Variants in RLF observed in about 807,000 individuals in gnomAD.
RLF encodes the protein zinc finger protein Rlf.
Under a neutral mutation model 162.9 loss-of-function variants are expected in RLF, and 7 were observed. The ratio of observed to expected loss-of-function variants is 0.04; its 90% CI spans 0.02 to 0.08. RLF has a LOEUF of 0.08. Among genes scored for constraint, RLF ranks in the 10% least tolerant of loss-of-function variants. RLF has a pLI of 1.00. For missense variants in RLF, 1,664 were observed against 2,244.7 expected (o/e 0.74, Z 5.23); for synonymous variants, 782 against 791.5 (o/e 0.99, Z 0.20).
intron 5 of RLF, among the ~76,000 whole-genome samples, chr1:40,216,782 CGGTGTCT>C (rs1201243475): frequency 7.9e-5 from 12 of 152,000 alleles, no homozygotes; most frequent in African/African-American, 2.2e-4. Flanking sequence ...AGGCCAGGTA[CGGTGTCT>C]CACGCCTGTA....
intron 6 of RLF, among the ~76,000 whole-genome samples, chr1:40,224,623 C>CTTATTTTT (rs1643042753): frequency 3.0e-5 from 1 of 33,262 alleles, no homozygotes; most frequent in Non-Finnish European, 4.8e-5. Flanking sequence ...TTTTTGAAAG[C>CTTATTTTT]TTTTTTTTTT....
At position 40,235,918 on chromosome 1, in the gene RLF, T is replaced by A. The variant is rs199548624; in HGVS notation, c.1216T>A (p.Leu406Ile). ...KTIACLLPEDLEVRRACQLTE... is the reference protein window; with the variant it reads ...KTIACLLPEDIEVRRACQLTE... ...AATTGCCTGTCTTTTACCAGAAGAT[T>A]TAGAAGTTAGACGAGCCTGTCAGCT... Residue 406 changes from leucine to isoleucine, a missense_variant, in exon 8 of 8, where the codon TTA becomes ATA. Coordinates refer to ENST00000372771, the MANE Select transcript of RLF (RefSeq NM_012421.4). 5 of 1,614,128 alleles carry A rather than the reference T, an allele frequency of 3.1e-6. No individual in the cohort carries two copies. Among genetic ancestry groups the A allele is most frequent in the Non-Finnish European group, 4.2e-6 (5 of 1,180,018 alleles).
At chr1:40,235,055 ATTTTT>A (rs761816149) in intron 7 of RLF, among the ~76,000 whole-genome samples, 15 of 105,454 alleles carry the variant, frequency 1.4e-4, no homozygotes, top group African/African-American at 5.5e-4. Context: ...GATAGAGAGA[ATTTTT>A]TTTTTTTTTT....
chr1:40,206,311 GT>G (rs1642794731), intron 5 of RLF, among the ~76,000 whole-genome samples: 2 of 152,188 alleles, frequency 1.3e-5, no homozygotes, highest in African/African-American at 4.8e-5. Context: ...CTCAGATTAG[GT>G]TGTGTGCTTC....
chr1:40,207,997 G>C (rs1642818709), intron 5 of RLF, among the ~76,000 whole-genome samples: 1 of 152,148 alleles, frequency 6.6e-6, no homozygotes, highest in South Asian at 2.1e-4. Context: ...TTCTGTCCTG[G>C]CTCCTAGTAG....
At chr1:40,209,638 G>A (rs1443552137) in intron 5 of RLF, among the ~76,000 whole-genome samples, 3 of 152,186 alleles carry the variant, frequency 2.0e-5, no homozygotes, top group Non-Finnish European at 4.4e-5. Flanking sequence ...AACACTTTGG[G>A]AGGCCGAGGC....
chr1:40,185,882 C>T (rs1158129863), intron 1 of RLF, among the ~76,000 whole-genome samples: 5 of 133,428 alleles, frequency 3.7e-5, no homozygotes, highest in Non-Finnish European at 6.2e-5. Flanking sequence ...AGGCTGGATG[C>T]GAGGTGGCTT....
intron 5 of RLF, among the ~76,000 whole-genome samples, chr1:40,204,518 C>T (rs151100390): frequency 6.6e-6 from 1 of 152,214 alleles, no homozygotes; most frequent in African/African-American, 2.4e-5. Context: ...GTGATCTTCC[C>T]ACCTCAGCCC....
At chr1:40,199,943 T>TGA (rs1223345110) in intron 4 of RLF, among the ~76,000 whole-genome samples, 1 of 152,122 alleles carries the variant, frequency 6.6e-6, no homozygotes, top group Non-Finnish European at 1.5e-5. Flanking sequence ...GTTGTATAAT[T>TGA]GAGAGAATAT....
Position 40,236,604 on chromosome 1 carries a change from T to A in RLF, c.1902T>A (p.Ser634=). 1 of 1,614,150 alleles carries A rather than the reference T, an allele frequency of 6.2e-7. No homozygotes were observed. Among genetic ancestry groups the A allele is most frequent in the Non-Finnish European group, 8.5e-7 (1 of 1,180,008 alleles). Residue 634 remains serine, a synonymous_variant, in exon 8 of 8, where the codon TCT becomes TCA. Coordinates refer to ENST00000372771, the MANE Select transcript of RLF (RefSeq NM_012421.4). The surrounding 1 kb of genome is among the most constrained non-coding windows in gnomAD (Gnocchi z 7.7). ...SQKGICPKSP[S]AIPEQNHSLN... is the part of the protein sequence containing the mutation. The stretch of plus-strand genomic sequence containing the variant: ...AGGGTATTTGTCCTAAGAGCCCCTC[T>A]GCAATCCCAGAGCAAAACCATTCAT...
At chr1:40,191,106 G>A (rs1557744626) in intron 3 of RLF, among the ~76,000 whole-genome samples, 1 of 152,266 alleles carries the variant, frequency 6.6e-6, no homozygotes, top group East Asian at 1.9e-4. Context: ...AGTTTAGACA[G>A]CATAAAGCTA....
In RLF at chr1:40,208,106, G is replaced by A. The variant is rs188970712; in HGVS notation, c.810+5492G>A. On this transcript the variant is annotated intron_variant, in intron 5 of 7. Transcript: ENST00000372771. ...GCAACATTCCACTTGGAAGCACTGT[G>A]GCCTGGTCTTTGAGATTTAGTAGTA... 9.7e-4 allele frequency among the ~76,000 whole-genome samples: 148 copies of A among 152,310 alleles called. 1 individual carries two copies. The highest frequency in any genetic ancestry group is 3.5e-3 in the South Asian group (17 of 4,824).
rs371611872 is a variant in RLF, at chr1:40,168,808, A to G, written c.237+7172A>G. ...GGAGTTCGAGACCAGCCTGGCCAAC[A>G]TGGTGAAACCCCATCTCTACTAAAA... On this transcript the variant is annotated intron_variant, in intron 1 of 7. Transcript: ENST00000372771. 1.2e-4 allele frequency among the ~76,000 whole-genome samples: 18 copies of G among 152,106 alleles called. 1 individual carries two copies. The highest frequency in any genetic ancestry group is 3.9e-4 in the East Asian group (2 of 5,138).
At chr1:40,222,966 T>G (rs970145468) in intron 6 of RLF, among the ~76,000 whole-genome samples, 1 of 152,014 alleles carries the variant, frequency 6.6e-6, no homozygotes, top group South Asian at 2.1e-4. Flanking sequence ...AAGATAAAAT[T>G]TTGTCAATAT....
chr1:40,199,605 T>C (rs1281476390), intron 4 of RLF, among the ~76,000 whole-genome samples: 1 of 152,190 alleles, frequency 6.6e-6, no homozygotes, highest in Non-Finnish European at 1.5e-5. Flanking sequence ...TAATCCCTTA[T>C]CACTGTTCTT....
rs1643247140 is a variant in RLF at position 40,238,522 on chromosome 1, C to A, written c.3820C>A (p.Pro1274Thr). 6.2e-7 allele frequency: 1 copy of A among 1,613,788 alleles called. No homozygotes were observed. Among genetic ancestry groups the A allele is most frequent in the South Asian group, 1.1e-5 (1 of 91,084 alleles). The change falls in exon 8 of 8, where the codon CCA becomes ACA. Residue 1274 changes from proline (P) to threonine (T), a missense_variant. Physicochemically the swap from Pro to Thr is conservative, Grantham distance 38. Coordinates refer to ENST00000372771, the MANE Select transcript of RLF (RefSeq NM_012421.4). The surrounding 1 kb of genome is among the most constrained non-coding windows in gnomAD (Gnocchi z 5.2). ...TESKTSDISS[P>T]IGSHREEQEG... ...AAGTAAAACATCTGACATTTCATCACCAATAGGCAGCCATAGAGAAGAACA... is the reference window on the plus strand; with the variant it reads ...AAGTAAAACATCTGACATTTCATCAACAATAGGCAGCCATAGAGAAGAACA...
chr1:40,191,104 C>A (rs947728755), intron 3 of RLF, among the ~76,000 whole-genome samples: 3 of 152,158 alleles, frequency 2.0e-5, no homozygotes, highest in Non-Finnish European at 4.4e-5. Flanking sequence ...AAAGTTTAGA[C>A]AGCATAAAGC....
intron 1 of RLF, among the ~76,000 whole-genome samples, chr1:40,179,857 TG>T (rs751823825): frequency 7.2e-5 from 11 of 152,212 alleles, no homozygotes; most frequent in Non-Finnish European, 1.3e-4. Flanking sequence ...GTATTTGTCT[TG>T]TTGTGACTGC....
chr1:40,237,710 A>C lies in RLF; in HGVS notation c.3008A>C (p.Gln1003Pro). ...LFPSLGNEHN[Q>P]TTEKLDAEPK... The stretch of plus-strand genomic sequence containing the variant: ...CCCTCTTTGGGTAATGAACATAATC[A>C]GACAACTGAAAAGTTGGATGCAGAA... The change falls in exon 8 of 8, where the codon CAG becomes CCG. Residue 1003 changes from glutamine to proline, a missense_variant. Coordinates refer to ENST00000372771, the MANE Select transcript of RLF (RefSeq NM_012421.4). The surrounding 1 kb of genome is among the most constrained non-coding windows in gnomAD (Gnocchi z 4.4). 1 of 1,614,156 alleles carries C rather than the reference A, an allele frequency of 6.2e-7. No individual in the cohort carries two copies. Among genetic ancestry groups the C allele is most frequent in the Non-Finnish European group, 8.5e-7 (1 of 1,180,002 alleles).
Sources: gnomAD v4.1 joint callset for allele counts (sites outside exome capture counted in the v4.1 genomes callset) on GRCh38, gnomAD v4.1.1 for gene constraint, Gnocchi (gnomAD v3.1) non-coding constraint, MANE v1.5 for transcripts, NCBI Gene and HGNC (gene_info 2026-07-23, HGNC 2026-07-21) for gene names.